FBN1: variants seen among roughly 807,000 people sequenced by gnomAD.
The protein encoded by FBN1 is fibrillin-1.
In FBN1, 29 loss-of-function variants were observed where a neutral mutation model predicts 365.1. The observed-to-expected ratio is 0.08, with a 90% CI of 0.06 to 0.11. FBN1 has a LOEUF of 0.11. Ranked by LOEUF, FBN1 falls within the 10% of genes least tolerant of loss-of-function variation. FBN1 has a pLI of 1.00. For missense variants in FBN1, 2,476 were observed against 3,703.2 expected, an observed-to-expected ratio of 0.67 and a Z score of 8.60; for synonymous variants, 1,210 against 1,270.5, an observed-to-expected ratio of 0.95 and a Z score of 1.01.
chr15:48,470,890 T>G, intron 35 of FBN1, 134 bp from the exon 36 acceptor site: 3 of 1,000,634 alleles, frequency 3.0e-6, no homozygotes, highest in Non-Finnish European at 3.0e-6. Flanking sequence ...GCACTTCTCC[T>G]ATAGACTTTT....
intron 16 of FBN1, among the ~76,000 whole-genome samples, 153 bp from the exon 17 acceptor site, chr15:48,504,092 A>T (rs1001391528): frequency 6.6e-5 from 10 of 152,220 alleles, no homozygotes; most frequent in African/African-American, 2.4e-4. Context: ...AAGAAAAAAT[A>T]AACAAAAACA....
In FBN1 at chr15:48,481,707, G is replaced by C; in HGVS notation, c.3912C>G (p.Ile1304Met). The C allele has an allele frequency of 6.2e-7, 1 of 1,613,810 alleles. No individual in the cohort carries two copies. Among genetic ancestry groups the C allele is most frequent in the South Asian group, 1.1e-5 (1 of 91,082 alleles). Reference protein sequence around the residue: ...GTCENTKGSFICHCDMGYSGK... With the variant: ...GTCENTKGSFMCHCDMGYSGK... ...CGGAGTAGCCCATATCACAGTGGCA[G>C]ATAAATGAGCCTTTCGTGTTTTCAC... The change falls in exon 32 of 66, where the codon ATC becomes ATG. Residue 1304 changes from isoleucine to methionine, a missense_variant. By Grantham distance (10) the Ile-to-Met change is conservative. This residue lies in a region of FBN1 where 1,780 missense variants were observed against 2,840.8 expected (regional missense o/e 0.63). Coordinates refer to ENST00000316623, the MANE Select transcript of FBN1 (RefSeq NM_000138.5).
intron 34 of FBN1, 140 bp downstream of exon 34, chr15:48,474,115 C>T (rs1254156626): frequency 7.0e-6 from 9 of 1,278,060 alleles, no homozygotes; most frequent in East Asian, 4.8e-5. Flanking sequence ...TTTTTTTTTT[C>T]CCACAGAGCT....
intron 17 of FBN1, 126 bp from the exon 18 acceptor site, chr15:48,499,164 G>C: frequency 1.1e-6 from 1 of 918,456 alleles, no homozygotes. Context: ...AACGGAAAAG[G>C]AGGTATCTCC....
chr15:48,516,089 CTTATT>C, intron 11 of FBN1, 89 bp downstream of exon 11: 1 of 1,234,510 alleles, frequency 8.1e-7, no homozygotes, highest in Non-Finnish European at 1.2e-6. Context: ...AATTTACAAA[CTTATT>C]TAATGACTAA....
chr15:48,581,156 G>C (rs1454348032), intron 6 of FBN1, among the ~76,000 whole-genome samples: 1 of 152,142 alleles, frequency 6.6e-6, no homozygotes. Flanking sequence ...CATCTACTCT[G>C]TGTTAGACAT....
At chr15:48,589,006 C>A (rs1318861314) in intron 6 of FBN1, among the ~76,000 whole-genome samples, 1 of 152,178 alleles carries the variant, frequency 6.6e-6, no homozygotes, top group East Asian at 1.9e-4. Context: ...TGCACTCCAG[C>A]AATTTATCGT....
intron 6 of FBN1, among the ~76,000 whole-genome samples, chr15:48,575,402 T>C (rs1361578680): frequency 6.6e-6 from 1 of 152,182 alleles, no homozygotes; most frequent in Non-Finnish European, 1.5e-5. Flanking sequence ...TACATGCACA[T>C]ATTGCATAAT....
At chr15:48,415,819 T>A in intron 63 of FBN1, 52 bp from the exon 64 acceptor site, 1 of 1,481,840 alleles carries the variant, frequency 6.7e-7, no homozygotes, top group South Asian at 1.1e-5. Context: ...AGATTTCTAT[T>A]GAGGACATTG....
At chr15:48,481,453 C>T (rs1566908001) in intron 32 of FBN1, among the ~76,000 whole-genome samples, 2 of 151,654 alleles carry the variant, frequency 1.3e-5, no homozygotes, top group South Asian at 4.2e-4. Context: ...CCCCACAGGT[C>T]AAGAAAAAAA....
At chr15:48,512,128 C>T (rs1282053792) in intron 13 of FBN1, among the ~76,000 whole-genome samples, 1 of 152,060 alleles carries the variant, frequency 6.6e-6, no homozygotes, top group East Asian at 1.9e-4. Flanking sequence ...ATGTAGTGCA[C>T]TAAAATACAC....
intron 7 of FBN1, 40 bp from the exon 8 acceptor site, chr15:48,534,245 C>G (rs770155420): frequency 1.3e-6 from 2 of 1,569,584 alleles, no homozygotes; most frequent in South Asian, 2.3e-5. Context: ...AAAAAAAACT[C>G]ATATGAAATT....
At chr15:48,466,269 T>C (rs765689732) in intron 38 of FBN1, among the ~76,000 whole-genome samples, 2 of 152,232 alleles carry the variant, frequency 1.3e-5, no homozygotes, top group Non-Finnish European at 2.9e-5. Flanking sequence ...TTGGCTTCTT[T>C]CCAAAACCCT....
intron 6 of FBN1, among the ~76,000 whole-genome samples, chr15:48,592,641 T>C (rs917059646): frequency 2.6e-5 from 4 of 151,654 alleles, no homozygotes; most frequent in African/African-American, 9.7e-5. Context: ...AAACCACAAA[T>C]GTGAACTTAC....
In FBN1 at chr15:48,520,530, G is replaced by A. The variant is rs1247143575; in HGVS notation, c.1147+129C>T. The A allele has an allele frequency of 2.2e-5, 24 of 1,073,098 alleles. No homozygotes were observed. The South Asian group carries it at 2.8e-4, about 12-fold the overall frequency. 66.5% of individuals were successfully genotyped at this position (1,073,098 alleles called of 1,614,324 possible). ...ATTTTCTAGGGAAATTTCCCTGGAC[G>A]TCATCTCTTATATTTCCTGGAGACT... On this transcript the variant is annotated intron_variant, in intron 10 of 65. Transcript: ENST00000316623.
At chr15:48,636,916 T>C (rs940886587) in intron 2 of FBN1, among the ~76,000 whole-genome samples, 1 of 152,204 alleles carries the variant, frequency 6.6e-6, no homozygotes, top group African/African-American at 2.4e-5. Context: ...AGCAATAAAA[T>C]AACTCAAACA....
At chr15:48,553,936 G>A (rs1324519053) in intron 6 of FBN1, among the ~76,000 whole-genome samples, 1 of 152,170 alleles carries the variant, frequency 6.6e-6, no homozygotes, top group African/African-American at 2.4e-5. Flanking sequence ...GAGACATGCT[G>A]TCTCACTTAA....
intron 12 of FBN1, 98 bp downstream of exon 12, chr15:48,515,289 G>A (rs1244623883): frequency 1.4e-6 from 2 of 1,392,692 alleles, no homozygotes; most frequent in Non-Finnish European, 2.0e-6. Context: ...AAGCCACCAA[G>A]TTTGGGGTAA....
chr15:48,593,640 T>C (rs963795404), intron 6 of FBN1, among the ~76,000 whole-genome samples: 3 of 152,220 alleles, frequency 2.0e-5, no homozygotes, highest in African/African-American at 7.2e-5. Flanking sequence ...TCCAGATTTT[T>C]TGATGCTATT....
Sources: gnomAD v4.1 joint callset for allele counts (sites outside exome capture counted in the v4.1 genomes callset) on GRCh38, gnomAD v4.1.1 for gene constraint, gnomAD v4.1.1 regional missense constraint, MANE v1.5 for transcripts, NCBI Gene and HGNC (gene_info 2026-07-23, HGNC 2026-07-21) for gene names.